PCNX4: variants seen among roughly 807,000 people sequenced by gnomAD.
PCNX4 encodes the protein pecanex 4.
Under a neutral mutation model 107.2 loss-of-function variants are expected in PCNX4, and 103 were observed. The observed-to-expected ratio is 0.96, with a 90% CI of 0.82 to 1.13. The LOEUF (loss-of-function observed/expected upper bound fraction) is 1.13. PCNX4 is among the 50% of genes most tolerant of loss of function. PCNX4 has a pLI of 0.00. For synonymous variants in PCNX4, 541 were observed against 481.7 expected (o/e 1.12, Z -1.61); for missense variants, 1,528 against 1,379.4 (o/e 1.11, Z -1.71).
rs1896285347 is a variant in PCNX4 at position 60,139,717 on chromosome 14, T to C, written c.*5496T>C. ...TATTCCAAGTCATAGGAATGGAATA[T>C]ATTCTTTGGCCATGTATCATTCACT... On this transcript the variant is annotated 3_prime_UTR_variant, in exon 11 of 11. Transcript: ENST00000406854. The C allele has an allele frequency of 6.6e-6, 1 of 152,150 alleles. No homozygotes were observed. The highest frequency in any genetic ancestry group is 2.1e-4 in the South Asian group (1 of 4,838). 9.4% of individuals were successfully genotyped at this position (152,150 alleles called of 1,614,324 possible). A position where few individuals can be genotyped will look rare whatever the true frequency, so the allele number is the denominator to read the frequency against.
chr14:60,142,077 G>A lies in PCNX4; in HGVS notation c.*7856G>A, dbSNP rs1896313317. The A allele has an allele frequency of 6.6e-6, 1 of 152,140 alleles. No individual in the cohort carries two copies. Among genetic ancestry groups the A allele is most frequent in the Non-Finnish European group, 1.5e-5 (1 of 68,024 alleles). The allele number at this position is 152,140 out of a possible 1,614,324, so 9.4% of individuals were successfully genotyped here. On this transcript the variant is annotated 3_prime_UTR_variant, in exon 11 of 11. Transcript: ENST00000406854. This position sits in a 1 kb window ranked among gnomAD's most constrained non-coding sequence, Gnocchi z 4.7. Reference sequence around the variant, plus strand: ...CTATAATAATGCAAGCACATCATTGGTTGCCTGGAATGGGGTGGGCGAGGG... The same window carrying A: ...CTATAATAATGCAAGCACATCATTGATTGCCTGGAATGGGGTGGGCGAGGG...
intron 8 of PCNX4, among the ~76,000 whole-genome samples, chr14:60,121,607 T>C (rs1253284842): frequency 6.6e-6 from 1 of 152,136 alleles, no homozygotes; most frequent in Non-Finnish European, 1.5e-5. Flanking sequence ...TCCTATATCA[T>C]TTAAGCATTC....
chr14:60,139,100 CAGT>C lies in PCNX4; in HGVS notation c.*4882_*4884del, dbSNP rs992060285. 5 of 151,952 alleles carry C rather than the reference CAGT, an allele frequency of 3.3e-5. No individual in the cohort carries two copies. Among genetic ancestry groups the C allele is most frequent in the South Asian group, 2.1e-4 (1 of 4,826 alleles). 9.4% of individuals were successfully genotyped at this position (151,952 alleles called of 1,614,324 possible). On this transcript the variant is annotated 3_prime_UTR_variant, in exon 11 of 11. Coordinates refer to ENST00000406854, the MANE Select transcript of PCNX4 (RefSeq NM_001330177.2). ...ACAAATAGGACAAATAGAAATCAAA[CAGT>C]AGATTAGGAGGTTTAAATATCAGTT...
At chr14:60,094,770 CA>C (rs1399876508) in intron 1 of PCNX4, among the ~76,000 whole-genome samples, 2 of 124,822 alleles carry the variant, frequency 1.6e-5, no homozygotes, top group Middle Eastern at 4.9e-3. Context: ...AGCCCCCCCC[CA>C]CCCCCATCTT....
Position 60,125,642 on chromosome 14 carries a change from C to G in PCNX4, c.3086C>G (p.Thr1029Ser). ...CGGTTCTCCATTTTTTTTAGGTATA[C>G]TCTGAAACTAATGATTGATAAAGCA... ...FQLALKAFRYTLKLMIDKASL... is the reference protein window; with the variant it reads ...FQLALKAFRYSLKLMIDKASL... The change falls in exon 10 of 11, where the codon ACT (threonine) becomes AGT (serine). Residue 1029 changes from threonine (T) to serine (S), a missense_variant. Coordinates refer to ENST00000406854, the MANE Select transcript of PCNX4 (RefSeq NM_001330177.2). 9 of 1,510,756 alleles carry G rather than the reference C, an allele frequency of 6.0e-6. No individual in the cohort carries two copies. Among genetic ancestry groups the G allele is most frequent in the Non-Finnish European group, 8.0e-6 (9 of 1,130,654 alleles). 93.6% of individuals were successfully genotyped at this position (1,510,756 alleles called of 1,614,324 possible).
At chr14:60,130,194 T>A (rs1262656211) in intron 10 of PCNX4, among the ~76,000 whole-genome samples, 4 of 151,626 alleles carry the variant, frequency 2.6e-5, no homozygotes, top group Admixed American at 1.3e-4. Context: ...AACAAAATTA[T>A]CCATACATGG....
intron 10 of PCNX4, among the ~76,000 whole-genome samples, chr14:60,126,363 A>G (rs1182871929): frequency 1.3e-5 from 2 of 152,216 alleles, no homozygotes; most frequent in Admixed American, 6.5e-5. Context: ...TGAGCTTATC[A>G]TGGTTTTGTC....
intron 5 of PCNX4, 31 bp downstream of exon 5, chr14:60,115,850 C>T (rs781263852): frequency 2.2e-5 from 35 of 1,592,790 alleles, no homozygotes; most frequent in Non-Finnish European, 2.8e-5. Context: ...ATAGTATTTT[C>T]CTATTGCTAA....
intron 8 of PCNX4, among the ~76,000 whole-genome samples, chr14:60,121,953 C>T (rs1032447260): frequency 2.0e-5 from 3 of 152,156 alleles, no homozygotes; most frequent in Non-Finnish European, 2.9e-5. Context: ...GGTTCCTTCT[C>T]TTTTCTTTGA....
chr14:60,096,210 CA>C (rs1895421654), intron 1 of PCNX4, among the ~76,000 whole-genome samples: 1 of 152,132 alleles, frequency 6.6e-6, no homozygotes, highest in Non-Finnish European at 1.5e-5. Context: ...AATATAAACA[CA>C]ACATTCCATT....
chr14:60,104,304 G>T (rs1329472674), intron 1 of PCNX4, among the ~76,000 whole-genome samples: 1 of 129,802 alleles, frequency 7.7e-6, no homozygotes. Context: ...GGGTGACAGA[G>T]CAAGACTCCA....
chr14:60,097,826 C>G (rs1895454046), intron 1 of PCNX4, among the ~76,000 whole-genome samples: 1 of 152,206 alleles, frequency 6.6e-6, no homozygotes, highest in South Asian at 2.1e-4. Flanking sequence ...AGACTCATGA[C>G]CATTTCACAC....
intron 8 of PCNX4, 27 bp from the exon 9 acceptor site, chr14:60,124,191 C>T (rs888802456): frequency 1.3e-6 from 2 of 1,485,272 alleles, no homozygotes; most frequent in Non-Finnish European, 1.8e-6. Context: ...TGATTATAAA[C>T]TCAAGTACTT....
In PCNX4 at chr14:60,124,992, G is replaced by C. The variant is rs772256935; in HGVS notation, c.2821G>C (p.Val941Leu). ...ATTTCCAGAAGACTGGTACCAATTT[G>C]TTCTAAGGCAGTTGGAATGTTATCA... ...SLFPEDWYQF[V>L]LRQLECYHSE... The change falls in exon 9 of 11, where the codon GTT becomes CTT. Residue 941 changes from valine (V) to leucine (L), a missense_variant. Coordinates refer to ENST00000406854, the MANE Select transcript of PCNX4 (RefSeq NM_001330177.2). 6.8e-6 allele frequency: 11 copies of C among 1,613,676 alleles called. No homozygotes were observed. In the Admixed American group the frequency reaches 1.0e-4, roughly 15 times the overall value.
intron 1 of PCNX4, among the ~76,000 whole-genome samples, chr14:60,094,767 C>CG (rs1047322617): frequency 8.4e-6 from 1 of 119,438 alleles, no homozygotes; most frequent in African/African-American, 2.8e-5. Context: ...TAGAGCCCCC[C>CG]CCCACCCCCA....
At chr14:60,130,905 C>T (rs998667691) in intron 10 of PCNX4, among the ~76,000 whole-genome samples, 1 of 151,974 alleles carries the variant, frequency 6.6e-6, no homozygotes, top group Admixed American at 6.6e-5. Context: ...AGTTTGAGAC[C>T]AGCCTGATGG....
At chr14:60,103,350 A>C (rs1895568371) in intron 1 of PCNX4, among the ~76,000 whole-genome samples, 1 of 152,200 alleles carries the variant, frequency 6.6e-6, no homozygotes, top group Non-Finnish European at 1.5e-5. Flanking sequence ...AGACTTGCAG[A>C]AGTGTTTTTT....
At position 60,100,995 on chromosome 14, in the gene PCNX4, C is replaced by CCTGCTCTCTGAAGT. The variant is rs555382236; in HGVS notation, c.-53-6579_-53-6566dup. ...AAGTCTGATAAGAAATATTTTACCA[C>CCTGCTCTCTGAAGT]CTGCTCTCTGAAGTCTGCTCTCTGA... is the stretch of plus-strand genomic sequence containing the variant. On this transcript the variant is annotated intron_variant, in intron 1 of 10. Transcript: ENST00000406854. Among the ~76,000 whole-genome samples the CCTGCTCTCTGAAGT allele has an allele frequency of 8.3e-4, 127 of 152,302 alleles. 1 individual carries two copies. Among genetic ancestry groups the CCTGCTCTCTGAAGT allele is most frequent in the African/African-American group, 3.0e-3 (124 of 41,554 alleles).
chr14:60,136,516 A>G lies in PCNX4; in HGVS notation c.*2295A>G, dbSNP rs1896242060. On this transcript the variant is annotated 3_prime_UTR_variant, in exon 11 of 11. Transcript: ENST00000406854. ...GGTATCTTCACTTGGTATATTAAAA[A>G]CTGACTGTTAGATTTTGAAGGGAAG... The G allele has an allele frequency of 6.6e-6, 1 of 152,292 alleles. No individual in the cohort carries two copies. The highest frequency in any genetic ancestry group is 1.5e-5 in the Non-Finnish European group (1 of 68,056). 9.4% of individuals were successfully genotyped at this position (152,292 alleles called of 1,614,324 possible). A position where few individuals can be genotyped will look rare whatever the true frequency, so the allele number is the denominator to read the frequency against.
Sources: allele counts gnomAD v4.1 joint callset (sites outside exome capture counted in the v4.1 genomes callset), GRCh38; gene constraint gnomAD v4.1.1; non-coding constraint Gnocchi (gnomAD v3.1); transcripts MANE v1.5; gene names NCBI Gene and HGNC (gene_info 2026-07-23, HGNC 2026-07-21).